Variants in ASMTL observed in about 807,000 individuals in gnomAD.
The protein encoded by ASMTL is acetylserotonin O-methyltransferase like.
In ASMTL, 57 loss-of-function variants were observed where a neutral mutation model predicts 60.3. The observed-to-expected ratio is 0.95, with a 90% CI of 0.76 to 1.18. The LOEUF is 1.18. Ranked by LOEUF, ASMTL falls within the 50% of genes most tolerant of loss-of-function variation. ASMTL has a pLI of 0.00. For synonymous variants in ASMTL, 419 were observed against 373.0 expected (o/e 1.12, Z -1.42); for missense variants, 981 against 852.6 (o/e 1.15, Z -1.88).
At chrX:1,416,275 A>G (rs1195002952) in intron 11 of ASMTL, among the ~76,000 whole-genome samples, 3 of 151,250 alleles carry the variant, frequency 2.0e-5, no homozygotes, top group Non-Finnish European at 4.4e-5. Flanking sequence ...ACACAGATAC[A>G]CCAACAGACA....
intron 12 of ASMTL, among the ~76,000 whole-genome samples, chrX:1,404,506 A>G (rs1391411431): frequency 6.7e-6 from 1 of 148,992 alleles, no homozygotes; most frequent in African/African-American, 2.5e-5. Flanking sequence ...GGATGGGTGA[A>G]TAGATAGTAG....
Position 1,451,395 on chromosome X carries a change from G to C in ASMTL, c.93+1353C>G, listed in dbSNP as rs373648881. Among the ~76,000 whole-genome samples, 214 of 148,696 alleles carry C rather than the reference G, an allele frequency of 1.4e-3. 1 individual carries two copies. The highest frequency in any genetic ancestry group is 5.1e-3 in the African/African-American group (203 of 40,088). The stretch of plus-strand genomic sequence containing the variant: ...ACCCTTCCCTCCCCCATCCCTAGGG[G>C]GTCCTGGGTCACTCTCCCCAACCCC... On this transcript the variant is annotated intron_variant, in intron 1 of 12. Coordinates refer to ENST00000381317, the MANE Select transcript of ASMTL (RefSeq NM_004192.4).
chrX:1,435,726 C>T lies in ASMTL; in HGVS notation c.306G>A (p.Val102=), dbSNP rs755469817. ...GCATCCTGTAGGCGTCCTGCTTGTC[C>T]ACCGGCTTCTCCAGAATCAGCCCCC... is the stretch of plus-strand genomic sequence containing the variant. The part of the protein sequence containing the change: ...TVGGLILEKP[V]DKQDAYRMLS... The change falls in exon 4 of 13, where the codon GTG becomes GTA. Residue 102 remains valine (V), a synonymous_variant. Transcript: ENST00000381317. 3 of 1,613,614 alleles carry T rather than the reference C, an allele frequency of 1.9e-6. No individual in the cohort carries two copies. The South Asian group carries it at 3.3e-5, about 18-fold the overall frequency.
chrX:1,418,181 G>A, intron 10 of ASMTL, 65 bp from the exon 11 acceptor site: 1 of 1,506,066 alleles, frequency 6.6e-7, no homozygotes, highest in Non-Finnish European at 9.0e-7. Context: ...ACTCTCCAAA[G>A]CTCAACTGGG....
chrX:1,411,815 T>TC lies in ASMTL; in HGVS notation c.1645+916_1645+917insG, dbSNP rs1413370860. Among the ~76,000 whole-genome samples, 18 of 111,620 alleles carry TC rather than the reference T, an allele frequency of 1.6e-4. 1 individual carries two copies. The highest frequency in any genetic ancestry group is 4.4e-4 in the African/African-American group (15 of 34,228). The allele number at this position is 111,620 out of a possible 152,430, so 73.2% of individuals were successfully genotyped here. A position where few individuals can be genotyped will look rare whatever the true frequency, so the allele number is the denominator to read the frequency against. On this transcript the variant is annotated intron_variant, in intron 12 of 12. Coordinates refer to ENST00000381317, the MANE Select transcript of ASMTL (RefSeq NM_004192.4). ...TTCTCTTTAGGATTTTCTTTTTTTT[T>TC]TTTTTTTTTTTTTTTGAGATGGAGT...
At chrX:1,428,456 AC>A (rs1409391768) in intron 6 of ASMTL, among the ~76,000 whole-genome samples, 4 of 151,980 alleles carry the variant, frequency 2.6e-5, no homozygotes, top group Non-Finnish European at 5.9e-5. Context: ...AGCCTGGCCA[AC>A]ACGGTGAAAC....
chrX:1,403,264 G>C lies in ASMTL; in HGVS notation c.*5C>G. The stretch of plus-strand genomic sequence containing the variant: ...CATCCCTATAATGAACATGCTGCCT[G>C]GGCTTCAGGGGGCCACTTTGGTGGC... On this transcript the variant is annotated 3_prime_UTR_variant, in exon 13 of 13. Transcript: ENST00000381317. 6.2e-7 allele frequency: 1 copy of C among 1,609,518 alleles called. No homozygotes were observed. The highest frequency in any genetic ancestry group is 8.5e-7 in the Non-Finnish European group (1 of 1,178,084).
At chrX:1,449,219 G>A (rs5949198) in intron 1 of ASMTL, among the ~76,000 whole-genome samples, 121,474 of 151,944 alleles carry the variant, frequency 0.8, 48,872 homozygotes, top group East Asian at 0.95. Context: ...AAATAAACCC[G>A]TCTTTGACTG....
At chrX:1,436,915 T>A (rs1283106483) in intron 3 of ASMTL, among the ~76,000 whole-genome samples, 1 of 152,186 alleles carries the variant, frequency 6.6e-6, no homozygotes, top group African/African-American at 2.4e-5. Flanking sequence ...ACTACAGACA[T>A]TGATTCTCCC....
At position 1,417,975 on chromosome X, in the gene ASMTL, G is replaced by C; in HGVS notation, c.1520C>G (p.Ala507Gly). 1 of 1,608,178 alleles carries C rather than the reference G, an allele frequency of 6.2e-7. No homozygotes were observed. Among genetic ancestry groups the C allele is most frequent in the South Asian group, 1.1e-5 (1 of 90,466 alleles). The change falls in exon 11 of 13, where the codon GCA becomes GGA. Residue 507 changes from alanine to glycine, a missense_variant and splice_region_variant. Physicochemically the swap from Ala to Gly is moderately conservative, Grantham distance 60 (BLOSUM62 0). Transcript: ENST00000381317. ...GPQAVQIHFA[A>G]GDFFRDPLPS... ...GGGTGAACAGGAGGAGGGCTCACCT[G>C]CTGCGAAGTGGATCTGCACTGCCTG...
At chrX:1,424,634 A>C (rs1181266271) in intron 8 of ASMTL, among the ~76,000 whole-genome samples, 5 of 148,982 alleles carry the variant, frequency 3.4e-5, no homozygotes, top group Non-Finnish European at 7.4e-5. Flanking sequence ...CCACTTACCC[A>C]CCCATCTATG....
In ASMTL at chrX:1,407,690, C is replaced by G. The variant is rs753415474; in HGVS notation, c.1646-4201G>C. Among the ~76,000 whole-genome samples the G allele has an allele frequency of 3.3e-5, 5 of 150,986 alleles. No homozygotes were observed. In the South Asian group the frequency reaches 8.5e-4, roughly 26 times the overall value. On this transcript the variant is annotated intron_variant, in intron 12 of 12. Transcript: ENST00000381317. ...TTTGAGCCCAGGAGTTTGAAACCAA[C>G]CTGAGCAACATAGTGAGACCCTGTC...
intron 1 of ASMTL, among the ~76,000 whole-genome samples, chrX:1,446,795 A>G (rs1270316348): frequency 2.0e-5 from 3 of 152,192 alleles, no homozygotes; most frequent in Non-Finnish European, 2.9e-5. Context: ...CACCATGCCC[A>G]GCCCATAATT....
In ASMTL at chrX:1,427,732, AC is replaced by A. The variant is rs1308584686; in HGVS notation, c.897+1del. 6.2e-7 allele frequency: 1 copy of A among 1,603,364 alleles called. No homozygotes were observed. Among genetic ancestry groups the A allele is most frequent in the Non-Finnish European group, 8.5e-7 (1 of 1,172,592 alleles). On this transcript the variant is annotated splice_donor_variant, in intron 7 of 12. Coordinates refer to ENST00000381317, the MANE Select transcript of ASMTL (RefSeq NM_004192.4). LOFTEE classifies it high-confidence loss of function. ...GTGGCCTGAGGAGACAGACACAGGT[AC>A]CTTGGATAGCATAAAGCCCTCAATC...
chrX:1,403,372 C>T lies in ASMTL; in HGVS notation c.1763G>A (p.Gly588Asp). 6.2e-7 allele frequency: 1 copy of T among 1,613,464 alleles called. No individual in the cohort carries two copies. Among genetic ancestry groups the T allele is most frequent in the South Asian group, 1.1e-5 (1 of 91,078 alleles). Residue 588 changes from glycine to aspartate, a missense_variant, in exon 13 of 13, where the codon GGC becomes GAC. Transcript: ENST00000381317. ...CAGCTCCAGCAAGCACTGATACTCG[C>T]CCAGGCTCCGCTCCTTGCCTTCAGT... The part of the protein sequence containing the change: ...VQTEGKERSL[G>D]EYQCLLELHG...
At chrX:1,416,820 CAGAT>C (rs1231978604) in intron 11 of ASMTL, among the ~76,000 whole-genome samples, 22 of 150,726 alleles carry the variant, frequency 1.5e-4, no homozygotes, top group South Asian at 2.1e-4. Context: ...ACCATGCACA[CAGAT>C]ACAGATGGGC....
chrX:1,412,190 G>T (rs1433159358), intron 12 of ASMTL, among the ~76,000 whole-genome samples: 5 of 152,026 alleles, frequency 3.3e-5, no homozygotes, highest in Admixed American at 3.3e-4. Context: ...CGCTGGACCT[G>T]CCAACCTCCA....
chrX:1,412,732 C>G lies in ASMTL; in HGVS notation c.1645G>C (p.Gly549Arg), dbSNP rs1330596203. The change falls in exon 12 of 13, where the codon GGG (glycine) becomes CGG (arginine). Residue 549 changes from glycine to arginine, a missense_variant and splice_region_variant. Physicochemically the swap from Gly to Arg is moderately radical, Grantham distance 125. Transcript: ENST00000381317. ...LSRVAESCKPGAGLLLVETLL... is the reference protein window; with the variant it reads ...LSRVAESCKPRAGLLLVETLL... ...AGCTAACCTGACGATGGGCTCTCAC[C>G]TGGCTTGCAGCTCTCGGCGACCCTG... 2 of 1,613,996 alleles carry G rather than the reference C, an allele frequency of 1.2e-6. No individual in the cohort carries two copies. The highest frequency in any genetic ancestry group is 1.1e-5 in the South Asian group (1 of 91,072).
At chrX:1,411,806 C>CTTTTTTTTTTTTTTTTTTTTTTTTTTTT in intron 12 of ASMTL, among the ~76,000 whole-genome samples, 2 of 86,146 alleles carry the variant, frequency 2.3e-5, no homozygotes, top group Non-Finnish European at 4.2e-5. Flanking sequence ...TTAGGATTTT[C>CTTTTTTTTTTTTTTTTTTTTTTTTTTTT]TTTTTTTTTT....
Sources: gnomAD v4.1 joint callset for allele counts (sites outside exome capture counted in the v4.1 genomes callset) on GRCh38, gnomAD v4.1.1 for gene constraint, MANE v1.5 for transcripts, NCBI Gene and HGNC (gene_info 2026-07-23, HGNC 2026-07-21) for gene names.